Variants in CLIC5 observed in about 807,000 individuals in gnomAD.
CLIC5 encodes the protein CLIC family member 5.
CLIC5 carries 20 observed loss-of-function variants against 24.7 expected under a neutral mutation model. That is an observed-to-expected ratio of 0.81 (90% CI 0.57 to 1.18). The LOEUF (loss-of-function observed/expected upper bound fraction) is 1.18. Ranked by LOEUF, CLIC5 falls within the 50% of genes most tolerant of loss-of-function variation. CLIC5 has a pLI of 0.00. For synonymous variants in CLIC5, 159 were observed against 135.6 expected (o/e 1.17, Z -1.20); for missense variants, 341 against 326.1 (o/e 1.05, Z -0.35).
At chr6:45,942,935 C>T (rs1004086043) in intron 3 of CLIC5, among the ~76,000 whole-genome samples, 4 of 152,180 alleles carry the variant, frequency 2.6e-5, no homozygotes, top group Non-Finnish European at 4.4e-5. Context: ...GGTGGAGGGA[C>T]GATGAGAACC....
At chr6:46,088,347 T>C in the CLIC5 span, among the ~76,000 whole-genome samples, 8 of 152,300 alleles carry the variant, frequency 5.3e-5, no homozygotes, top group Non-Finnish European at 1.0e-4. Flanking sequence ...CCCCAAATTA[T>C]CTGTCCCTTC....
intron 4 of CLIC5, among the ~76,000 whole-genome samples, chr6:45,940,355 G>A (rs947290867): frequency 6.6e-6 from 1 of 152,226 alleles, no homozygotes; most frequent in South Asian, 2.1e-4. Context: ...AGGCATTGAA[G>A]ACTGAGGAAG....
chr6:45,918,583 C>T (rs947136259), intron 4 of CLIC5, among the ~76,000 whole-genome samples: 2 of 152,192 alleles, frequency 1.3e-5, no homozygotes, highest in African/African-American at 4.8e-5. Flanking sequence ...GCTGCACGCT[C>T]AACTTCTCAT....
At chr6:46,057,086 A>G (rs1768280550) in intron 1 of CLIC5, among the ~76,000 whole-genome samples, 1 of 152,224 alleles carries the variant, frequency 6.6e-6, no homozygotes, top group South Asian at 2.1e-4. Flanking sequence ...TCAGACGCTT[A>G]TCATCTCTCC....
chr6:46,129,187 T>G, the CLIC5 span, among the ~76,000 whole-genome samples: 1 of 152,202 alleles, frequency 6.6e-6, no homozygotes, highest in Non-Finnish European at 1.5e-5. Flanking sequence ...TTAAATTCAA[T>G]AGTGATTTAG....
intron 5 of CLIC5, among the ~76,000 whole-genome samples, chr6:45,903,703 G>A (rs1461954893): frequency 1.3e-5 from 2 of 152,200 alleles, no homozygotes; most frequent in African/African-American, 2.4e-5. Context: ...AACTCTCCAA[G>A]ATAGACTATT....
At chr6:46,092,400 C>T in the CLIC5 span, among the ~76,000 whole-genome samples, 15 of 150,450 alleles carry the variant, frequency 1.0e-4, no homozygotes, top group East Asian at 2.9e-3. Context: ...TCAAGTCTTC[C>T]TCATGATTAT....
intron 4 of CLIC5, among the ~76,000 whole-genome samples, chr6:45,917,321 C>G (rs898070795): frequency 6.6e-6 from 1 of 152,152 alleles, no homozygotes; most frequent in Non-Finnish European, 1.5e-5. Context: ...CTGGCCAATA[C>G]GAGGACATCA....
At chr6:46,024,156 T>G (rs1767263825) in intron 1 of CLIC5, among the ~76,000 whole-genome samples, 1 of 152,190 alleles carries the variant, frequency 6.6e-6, no homozygotes, top group Non-Finnish European at 1.5e-5. Context: ...TCACACAAAT[T>G]AAAGTTCTGA....
intron 4 of CLIC5, among the ~76,000 whole-genome samples, chr6:45,926,248 AT>A (rs1353372567): frequency 1.8e-5 from 2 of 110,400 alleles, no homozygotes; most frequent in African/African-American, 5.6e-5. Context: ...TATATATTTT[AT>A]TTTTTTTATT....
chr6:45,986,913 G>A (rs376702671), intron 1 of CLIC5, among the ~76,000 whole-genome samples: 1 of 152,230 alleles, frequency 6.6e-6, no homozygotes, highest in African/African-American at 2.4e-5. Context: ...AAGACCCTGG[G>A]GTCATATTAT....
At chr6:46,036,436 GAGT>G (rs1269038084) in intron 1 of CLIC5, among the ~76,000 whole-genome samples, 17 of 149,318 alleles carry the variant, frequency 1.1e-4, no homozygotes, top group African/African-American at 3.7e-4. Flanking sequence ...TCAGCCTCCC[GAGT>G]AGCTGGGACT....
intron 1 of CLIC5, among the ~76,000 whole-genome samples, chr6:45,961,290 A>G (rs547367969): frequency 6.6e-6 from 1 of 152,362 alleles, no homozygotes; most frequent in South Asian, 2.1e-4. Context: ...GTGTACAGAT[A>G]AAAATTAAGC....
chr6:45,890,714 A>C (rs1285698038), intron 6 of CLIC5, among the ~76,000 whole-genome samples: 2 of 152,244 alleles, frequency 1.3e-5, no homozygotes, highest in African/African-American at 2.4e-5. Context: ...TATAATCACA[A>C]TGGAATGCCA....
chr6:46,063,840 CTTCTACAAAGCTTA>C (rs1224601184), intron 1 of CLIC5, among the ~76,000 whole-genome samples: 1 of 152,156 alleles, frequency 6.6e-6, no homozygotes, highest in African/African-American at 2.4e-5. Flanking sequence ...TCTGGACCCA[CTTCTACAAAGCTTA>C]AAAGCAAGGC....
chr6:45,940,540 T>C (rs964091580), intron 4 of CLIC5, among the ~76,000 whole-genome samples: 4 of 152,242 alleles, frequency 2.6e-5, no homozygotes, highest in African/African-American at 9.6e-5. Flanking sequence ...AAAGAGATGC[T>C]ATTCTCCTTG....
At chr6:46,069,795 A>C (rs1300577686) in intron 1 of CLIC5, among the ~76,000 whole-genome samples, 2 of 152,060 alleles carry the variant, frequency 1.3e-5, no homozygotes, top group Non-Finnish European at 2.9e-5. Context: ...GCCAATATCT[A>C]TGATGAACAT....
At chr6:45,975,208 C>A (rs936287425) in intron 1 of CLIC5, among the ~76,000 whole-genome samples, 1 of 152,098 alleles carries the variant, frequency 6.6e-6, no homozygotes. Flanking sequence ...CAGGATGTAG[C>A]TTTGGTGAGG....
chr6:46,051,240 C>T (rs1325142957), intron 1 of CLIC5, among the ~76,000 whole-genome samples: 1 of 152,200 alleles, frequency 6.6e-6, no homozygotes, highest in Non-Finnish European at 1.5e-5. Flanking sequence ...CAATGGTACT[C>T]CACTCTCCAT....
Sources: allele counts gnomAD v4.1 joint callset (sites outside exome capture counted in the v4.1 genomes callset), GRCh38; gene constraint gnomAD v4.1.1; transcripts MANE v1.5; gene names NCBI Gene and HGNC (gene_info 2026-07-23, HGNC 2026-07-21).